ZFAND4: variants seen among roughly 807,000 people sequenced by gnomAD.
ZFAND4 encodes the protein zinc finger AN1-type containing 4.
In ZFAND4, 43 loss-of-function variants were observed where a neutral mutation model predicts 64.4. That is an observed-to-expected ratio of 0.67 (90% CI 0.52 to 0.86). The LOEUF (loss-of-function observed/expected upper bound fraction) is 0.86. Among genes scored for constraint, ZFAND4 ranks in the 40% least tolerant of loss-of-function variants. ZFAND4 has a pLI of 0.00. For missense variants in ZFAND4, 929 were observed against 859.8 expected (o/e 1.08, Z -1.01); for synonymous variants, 296 against 305.7 (o/e 0.97, Z 0.33).
chr10:45,621,135 G>A (rs569970163), intron 8 of ZFAND4, among the ~76,000 whole-genome samples: 7 of 152,250 alleles, frequency 4.6e-5, no homozygotes, highest in East Asian at 3.9e-4. Context: ...GCTGGTAGTC[G>A]TCTGCCTAAA....
At chr10:45,662,724 G>A (rs1454047994) in intron 2 of ZFAND4, 1 of 952,018 alleles carries the variant, frequency 1.1e-6, no homozygotes, top group African/African-American at 1.8e-5. Flanking sequence ...TATATCCTTG[G>A]CCTCACAAAA....
intron 6 of ZFAND4, among the ~76,000 whole-genome samples, chr10:45,635,833 C>G (rs2046561396): frequency 6.6e-6 from 1 of 152,164 alleles, no homozygotes; most frequent in Admixed American, 6.5e-5. Context: ...CTTAACATTA[C>G]TGAACTGTTT....
At chr10:45,620,443 T>C (rs566251665) in intron 8 of ZFAND4, among the ~76,000 whole-genome samples, 1 of 152,270 alleles carries the variant, frequency 6.6e-6, no homozygotes, top group East Asian at 1.9e-4. Context: ...ATCGTGCCAC[T>C]GCACTTCAGC....
At chr10:45,620,253 G>A (rs960646981) in intron 8 of ZFAND4, among the ~76,000 whole-genome samples, 3 of 152,136 alleles carry the variant, frequency 2.0e-5, no homozygotes, top group African/African-American at 7.2e-5. Flanking sequence ...GGAGGCCAAG[G>A]TGGGCGAATC....
At position 45,645,671 on chromosome 10, in the gene ZFAND4, G is replaced by A. The variant is rs531177639; in HGVS notation, c.569+2623C>T. On this transcript the variant is annotated intron_variant, in intron 5 of 9. Transcript: ENST00000344646. ...ACAACAACTAGTGTTTGAATTACAC[G>A]TAACAGCAAGCTGCAATCATTCCCA... Among the ~76,000 whole-genome samples, 10 of 152,214 alleles carry A rather than the reference G, an allele frequency of 6.6e-5. No individual in the cohort carries two copies. In the South Asian group the frequency reaches 1.0e-3, roughly 16 times the overall value.
At position 45,616,542 on chromosome 10, in the gene ZFAND4, C is replaced by T. The variant is rs371324279; in HGVS notation, c.2078G>A (p.Arg693His). Residue 693 changes from arginine (R) to histidine (H), a missense_variant, in exon 10 of 10, where the codon CGT (arginine) becomes CAT (histidine). Physicochemically the swap from Arg to His is conservative, Grantham distance 29. Coordinates refer to ENST00000344646, the MANE Select transcript of ZFAND4 (RefSeq NM_174890.4). ...GGTACAGCCATGAGTTTCTGCATAA[C>T]GATGAGATGCACAGAAGTTGTTTCC... ...RCGNNFCASH[R>H]YAETHGCTYD... 2.3e-5 allele frequency: 37 copies of T among 1,613,898 alleles called. No homozygotes were observed. The highest frequency in any genetic ancestry group is 1.2e-4 in the Admixed American group (7 of 59,978).
rs1447340380 is a variant in ZFAND4 at position 45,626,383 on chromosome 10, T to A, written c.1440A>T (p.Pro480=). ...TCACCAGAGAATTATGTAGCGACATTGGTGCAGAACAGCGAAGAGGTGACA... is the reference window on the plus strand; with the variant it reads ...TCACCAGAGAATTATGTAGCGACATAGGTGCAGAACAGCGAAGAGGTGACA... The part of the protein sequence containing the change: ...RLLSPLRCSA[P]MSLHNSLVKP... The change falls in exon 7 of 10, where the codon CCA becomes CCT. Residue 480 remains proline (P), a synonymous_variant. Transcript: ENST00000344646. The A allele has an allele frequency of 6.2e-7, 1 of 1,614,150 alleles. No individual in the cohort carries two copies. Among genetic ancestry groups the A allele is most frequent in the South Asian group, 1.1e-5 (1 of 91,088 alleles).
At chr10:45,628,896 CAAAAAAAAAA>C (rs74412113) in intron 6 of ZFAND4, among the ~76,000 whole-genome samples, 6 of 45,470 alleles carry the variant, frequency 1.3e-4, no homozygotes, top group African/African-American at 3.7e-4. Flanking sequence ...GGAGCTTCAC[CAAAAAAAAAA>C]AAAAAAAAAA....
intron 8 of ZFAND4, among the ~76,000 whole-genome samples, chr10:45,622,784 G>A (rs2045523573): frequency 6.6e-6 from 1 of 152,208 alleles, no homozygotes; most frequent in African/African-American, 2.4e-5. Flanking sequence ...ATTTTTGGTA[G>A]TCCGTTGAAG....
chr10:45,637,430 T>G lies in ZFAND4; in HGVS notation c.717+2386A>C, dbSNP rs576794556. Among the ~76,000 whole-genome samples the G allele has an allele frequency of 2.6e-5, 4 of 151,026 alleles. No homozygotes were observed. In the East Asian group the frequency reaches 7.8e-4, roughly 29 times the overall value. ...TTTAAAGACCTGTGGTAGGAAAATA[T>G]TTCATCAAAAGGTTATCAAAAATGA... On this transcript the variant is annotated intron_variant, in intron 6 of 9. Transcript: ENST00000344646.
chr10:45,639,616 G>C, intron 6 of ZFAND4, 200 bp downstream of exon 6: 1 of 394,852 alleles, frequency 2.5e-6, no homozygotes, highest in East Asian at 4.2e-5. Flanking sequence ...ATGATGTTAA[G>C]TGCAGTATAA....
At chr10:45,617,594 A>G (rs2045087960) in intron 9 of ZFAND4, among the ~76,000 whole-genome samples, 1 of 146,034 alleles carries the variant, frequency 6.8e-6, no homozygotes, top group Non-Finnish European at 1.5e-5. Flanking sequence ...CAGTACTGAA[A>G]AAAAAAAAAA....
At chr10:45,638,951 G>A (rs993422015) in intron 6 of ZFAND4, among the ~76,000 whole-genome samples, 5 of 152,160 alleles carry the variant, frequency 3.3e-5, no homozygotes, top group Non-Finnish European at 7.3e-5. Context: ...GAACAGGTAC[G>A]TATTAACTGG....
intron 6 of ZFAND4, among the ~76,000 whole-genome samples, chr10:45,632,934 C>T (rs920798359): frequency 1.3e-5 from 2 of 151,922 alleles, no homozygotes; most frequent in Admixed American, 6.6e-5. Flanking sequence ...AAAAGGTATA[C>T]CAAGCAAATG....
chr10:45,653,648 T>C (rs1407015491), intron 2 of ZFAND4, among the ~76,000 whole-genome samples: 3 of 152,144 alleles, frequency 2.0e-5, no homozygotes, highest in African/African-American at 4.8e-5. Context: ...AGAATGGCTA[T>C]TAATAAAAAG....
At chr10:45,669,556 A>T (rs998216749) in intron 1 of ZFAND4, among the ~76,000 whole-genome samples, 2 of 152,208 alleles carry the variant, frequency 1.3e-5, no homozygotes, top group Admixed American at 1.3e-4. Flanking sequence ...CTGATACCAA[A>T]GCCTGGCAGA....
intron 8 of ZFAND4, among the ~76,000 whole-genome samples, chr10:45,621,963 A>G (rs2045460904): frequency 6.6e-6 from 1 of 152,224 alleles, no homozygotes; most frequent in African/African-American, 2.4e-5. Flanking sequence ...TCAGAAGAGC[A>G]GTGAGACGTG....
chr10:45,664,274 C>CTT (rs748024984), intron 1 of ZFAND4, among the ~76,000 whole-genome samples: 3,181 of 141,834 alleles, frequency 0.022, 133 homozygotes, highest in African/African-American at 0.077. Flanking sequence ...GTACATTTGA[C>CTT]TTTTTTTTTT....
chr10:45,644,770 C>T (rs1044499927), intron 5 of ZFAND4, among the ~76,000 whole-genome samples: 10 of 152,032 alleles, frequency 6.6e-5, no homozygotes, highest in Admixed American at 2.6e-4. Flanking sequence ...TTATTGAGGG[C>T]GTCAATACCA....
Sources: allele counts gnomAD v4.1 joint callset (sites outside exome capture counted in the v4.1 genomes callset), GRCh38; gene constraint gnomAD v4.1.1; transcripts MANE v1.5; gene names NCBI Gene and HGNC (gene_info 2026-07-23, HGNC 2026-07-21).